The following DLC1 variants were observed in gnomAD, a reference collection of about 807,000 sequenced individuals.
The protein encoded by DLC1 is rho GTPase-activating protein 7.
Under a neutral mutation model 140.3 loss-of-function variants are expected in DLC1, and 54 were observed. The ratio of observed to expected loss-of-function variants is 0.38; its 90% confidence interval spans 0.31 to 0.48. The LOEUF is 0.48. Among genes scored for constraint, DLC1 ranks in the 20% least tolerant of loss-of-function variants. The pLI, the probability that DLC1 is intolerant of heterozygous loss-of-function variation, is 0.96. For missense variants in DLC1, 2,536 were observed against 1,907.0 expected, an observed-to-expected ratio of 1.33 and a Z score of -6.14; for synonymous variants, 986 against 728.1, an observed-to-expected ratio of 1.35 and a Z score of -5.70.
At chr8:13,226,017 A>C (rs1286789187) in intron 5 of DLC1, among the ~76,000 whole-genome samples, 2 of 152,128 alleles carry the variant, frequency 1.3e-5, no homozygotes, top group Admixed American at 6.5e-5. Context: ...GGCTCAATTG[A>C]TCCTCCCACA....
intron 4 of DLC1, among the ~76,000 whole-genome samples, chr8:13,335,002 A>G (rs1833759599): frequency 6.6e-6 from 1 of 152,158 alleles, no homozygotes; most frequent in Non-Finnish European, 1.5e-5. Context: ...AATCTGGCTC[A>G]GGGGCTCTAG....
intron 5 of DLC1, among the ~76,000 whole-genome samples, chr8:13,143,848 G>GAGAGAGAC (rs1490009372): frequency 2.0e-5 from 3 of 147,716 alleles, no homozygotes; most frequent in African/African-American, 7.6e-5. Flanking sequence ...GAGAGAGAGA[G>GAGAGAGAC]AGAGACATAG....
At chr8:13,168,235 G>C (rs1412349024) in intron 5 of DLC1, among the ~76,000 whole-genome samples, 1 of 152,098 alleles carries the variant, frequency 6.6e-6, no homozygotes, top group Non-Finnish European at 1.5e-5. Context: ...GATTAGAATG[G>C]CTTCCCGAGA....
intron 2 of DLC1, among the ~76,000 whole-genome samples, chr8:13,455,473 T>A (rs1468991611): frequency 6.6e-6 from 1 of 152,044 alleles, no homozygotes; most frequent in African/African-American, 2.4e-5. Flanking sequence ...CTCCCTCTGC[T>A]CCAGACACAC....
chr8:13,413,039 C>G (rs1422545235), intron 2 of DLC1, among the ~76,000 whole-genome samples: 2 of 151,738 alleles, frequency 1.3e-5, no homozygotes, highest in Non-Finnish European at 2.9e-5. Flanking sequence ...CCACTCAGCA[C>G]TTTAGTCTGG....
intron 1 of DLC1, among the ~76,000 whole-genome samples, chr8:13,570,807 C>G (rs924723558): frequency 6.6e-6 from 1 of 152,070 alleles, no homozygotes; most frequent in African/African-American, 2.4e-5. Context: ...CTTTATGACT[C>G]AAAAGTTGAA....
At chr8:13,277,239 G>GAGT (rs963718397) in intron 5 of DLC1, among the ~76,000 whole-genome samples, 1 of 152,158 alleles carries the variant, frequency 6.6e-6, no homozygotes, top group African/African-American at 2.4e-5. Flanking sequence ...TTGAGCCCAG[G>GAGT]AGTTCCAGGC....
intron 5 of DLC1, among the ~76,000 whole-genome samples, chr8:13,293,505 T>C (rs1295100900): frequency 6.6e-6 from 1 of 152,194 alleles, no homozygotes; most frequent in African/African-American, 2.4e-5. Context: ...TGAATGCCTG[T>C]ATGAGTTGTT....
intron 1 of DLC1, among the ~76,000 whole-genome samples, chr8:13,514,371 T>A (rs1436226452): frequency 2.0e-5 from 3 of 152,186 alleles, no homozygotes; most frequent in African/African-American, 7.2e-5. Context: ...AATCTTACTT[T>A]ATGGAGGAAA....
intron 5 of DLC1, among the ~76,000 whole-genome samples, chr8:13,294,097 C>A (rs1242468547): frequency 6.6e-6 from 1 of 152,168 alleles, no homozygotes; most frequent in Non-Finnish European, 1.5e-5. Flanking sequence ...ACCCCCTGTG[C>A]TCTGCCCATT....
chr8:13,141,711 G>A (rs1248557052), intron 5 of DLC1, among the ~76,000 whole-genome samples: 1 of 152,170 alleles, frequency 6.6e-6, no homozygotes, highest in Non-Finnish European at 1.5e-5. Flanking sequence ...CCCCTACACA[G>A]CTCCAGATCA....
At chr8:13,304,808 A>C in intron 5 of DLC1, 2 of 968,136 alleles carry the variant, frequency 2.1e-6, no homozygotes, top group Non-Finnish European at 2.5e-6. Context: ...AAATACTATA[A>C]TTTTTTTCTT....
At chr8:13,564,508 T>G (rs979707392) in intron 1 of DLC1, among the ~76,000 whole-genome samples, 1 of 152,160 alleles carries the variant, frequency 6.6e-6, no homozygotes, top group Non-Finnish European at 1.5e-5. Flanking sequence ...TCTCTTATAC[T>G]TAAACTAGAC....
At chr8:13,595,975 T>A (rs1805667706) in intron 1 of DLC1, among the ~76,000 whole-genome samples, 2 of 151,998 alleles carry the variant, frequency 1.3e-5, no homozygotes, top group Non-Finnish European at 2.9e-5. Context: ...ATCTCCTCCT[T>A]TCATACATGC....
intron 1 of DLC1, among the ~76,000 whole-genome samples, chr8:13,582,887 T>C (rs1444731689): frequency 1.2e-4 from 7 of 57,192 alleles, no homozygotes; most frequent in Non-Finnish European, 1.6e-4. Flanking sequence ...TCTATATATA[T>C]ATATATATAT....
At chr8:13,295,989 A>G (rs1586087128) in intron 5 of DLC1, among the ~76,000 whole-genome samples, 1 of 94,976 alleles carries the variant, frequency 1.1e-5, no homozygotes, top group African/African-American at 4.3e-5. Flanking sequence ...GTCTCATTCT[A>G]TTGCCCAGGC....
At chr8:13,490,604 A>C (rs969232201) in intron 2 of DLC1, among the ~76,000 whole-genome samples, 3 of 152,180 alleles carry the variant, frequency 2.0e-5, no homozygotes, top group African/African-American at 7.2e-5. Context: ...GAGGCAGCCA[A>C]AACCTATGGT....
At chr8:13,396,010 A>T (rs1837024649) in intron 3 of DLC1, among the ~76,000 whole-genome samples, 1 of 151,012 alleles carries the variant, frequency 6.6e-6, no homozygotes, top group Non-Finnish European at 1.5e-5. Flanking sequence ...TAAGCCATTT[A>T]TATTTGACCT....
chr8:13,374,817 C>T (rs967322237), intron 4 of DLC1, among the ~76,000 whole-genome samples: 1 of 152,158 alleles, frequency 6.6e-6, no homozygotes, highest in African/African-American at 2.4e-5. Flanking sequence ...TTGATTCTTC[C>T]TATCCATGAG....
Sources: allele counts gnomAD v4.1 joint callset (sites outside exome capture counted in the v4.1 genomes callset), GRCh38; gene constraint gnomAD v4.1.1; transcripts MANE v1.5; gene names NCBI Gene and HGNC (gene_info 2026-07-23, HGNC 2026-07-21).